CYRIA: variants seen among roughly 807,000 people sequenced by gnomAD.
CYRIA encodes the protein CYFIP related Rac1 interactor A.
CYRIA carries 15 observed loss-of-function variants against 43.9 expected under a neutral mutation model. The observed-to-expected ratio is 0.34, with a 90% CI of 0.23 to 0.53. The LOEUF is 0.53. Ranked by LOEUF, CYRIA falls within the 20% of genes least tolerant of loss-of-function variation. CYRIA has a pLI of 0.94. For synonymous variants in CYRIA, 117 were observed against 136.0 expected (o/e 0.86, Z 0.97); for missense variants, 236 against 394.2 (o/e 0.60, Z 3.40).
chr2:16,644,863 C>G (rs959929059), intron 1 of CYRIA, among the ~76,000 whole-genome samples: 1 of 152,134 alleles, frequency 6.6e-6, no homozygotes, highest in Admixed American at 6.5e-5. Context: ...GCCCCACCAA[C>G]CCCCCACACA....
At chr2:16,658,488 TA>T (rs1670171732) in intron 1 of CYRIA, among the ~76,000 whole-genome samples, 1 of 152,210 alleles carries the variant, frequency 6.6e-6, no homozygotes, top group Non-Finnish European at 1.5e-5. Context: ...TTAGCAAGCT[TA>T]AGGAATTTGC....
intron 4 of CYRIA, 91 bp from the exon 5 acceptor site, chr2:16,564,185 G>A (rs768416293): frequency 4.1e-6 from 4 of 973,322 alleles, no homozygotes; most frequent in Admixed American, 2.2e-5. Context: ...TACAATCCTT[G>A]CTATACTTTG....
chr2:16,631,764 T>C (rs544989395), intron 1 of CYRIA, among the ~76,000 whole-genome samples: 4 of 152,200 alleles, frequency 2.6e-5, no homozygotes, highest in Admixed American at 6.5e-5. Flanking sequence ...CTATCAGATG[T>C]AACGGTATGT....
chr2:16,619,534 C>G (rs1668926433), intron 2 of CYRIA, among the ~76,000 whole-genome samples: 1 of 152,170 alleles, frequency 6.6e-6, no homozygotes, highest in Non-Finnish European at 1.5e-5. Flanking sequence ...CACCAGAGAG[C>G]TATGGTGTAA....
At chr2:16,647,274 T>C (rs1558441383) in intron 1 of CYRIA, among the ~76,000 whole-genome samples, 1 of 152,194 alleles carries the variant, frequency 6.6e-6, no homozygotes, top group Non-Finnish European at 1.5e-5. Flanking sequence ...TCCTGTATCA[T>C]CTCAGTTGAC....
chr2:16,605,735 T>A (rs1231144648), intron 2 of CYRIA, among the ~76,000 whole-genome samples: 2 of 152,236 alleles, frequency 1.3e-5, no homozygotes, highest in Non-Finnish European at 2.9e-5. Context: ...GTGAATTCGC[T>A]TAAACAGGCT....
intron 1 of CYRIA, among the ~76,000 whole-genome samples, chr2:16,652,211 T>C (rs1024076541): frequency 2.0e-5 from 3 of 152,166 alleles, no homozygotes; most frequent in Non-Finnish European, 4.4e-5. Flanking sequence ...AGCTTCAGGA[T>C]GTCCTCTAGC....
intron 5 of CYRIA, 63 bp from the exon 6 acceptor site, chr2:16,562,204 C>T: frequency 6.5e-7 from 1 of 1,532,062 alleles, no homozygotes; most frequent in Non-Finnish European, 8.8e-7. Context: ...TCAAAGAACA[C>T]AATTCCCAGC....
chr2:16,561,620 T>C (rs1348812759), intron 6 of CYRIA, 87 bp from the exon 7 acceptor site: 3 of 1,014,828 alleles, frequency 3.0e-6, no homozygotes, highest in East Asian at 2.4e-5. Flanking sequence ...CTAGATTTTA[T>C]AAATACTCCA....
intron 2 of CYRIA, among the ~76,000 whole-genome samples, chr2:16,611,700 G>T (rs942979000): frequency 6.6e-6 from 1 of 152,054 alleles, no homozygotes; most frequent in Non-Finnish European, 1.5e-5. Flanking sequence ...ACGCCTGTGA[G>T]GTGTGAAGAA....
At chr2:16,593,699 T>G (rs1244449172) in intron 2 of CYRIA, among the ~76,000 whole-genome samples, 3 of 82,196 alleles carry the variant, frequency 3.6e-5, no homozygotes, top group African/African-American at 2.6e-4. Context: ...TGTGTGTGTG[T>G]TTTTTTTTGT....
At chr2:16,626,744 C>T (rs1380749594) in intron 1 of CYRIA, among the ~76,000 whole-genome samples, 3 of 152,136 alleles carry the variant, frequency 2.0e-5, no homozygotes, top group Non-Finnish European at 4.4e-5. Context: ...AGCACAACCT[C>T]ACATATCACC....
At chr2:16,635,579 C>T (rs1361974083) in intron 1 of CYRIA, among the ~76,000 whole-genome samples, 4 of 152,160 alleles carry the variant, frequency 2.6e-5, no homozygotes, top group Non-Finnish European at 4.4e-5. Flanking sequence ...TGTGCATCCC[C>T]CCACAGTGAC....
chr2:16,639,731 T>C (rs10490438), intron 1 of CYRIA, among the ~76,000 whole-genome samples: 19,052 of 152,280 alleles, frequency 0.13, 1,397 homozygotes, highest in Middle Eastern at 0.17. Flanking sequence ...ATTTAAACCA[T>C]TGGGCATTTG....
intron 1 of CYRIA, among the ~76,000 whole-genome samples, chr2:16,641,648 C>T (rs1253805410): frequency 6.6e-6 from 1 of 152,254 alleles, no homozygotes; most frequent in Non-Finnish European, 1.5e-5. Flanking sequence ...ACTTTGCATA[C>T]TCATTCCATC....
chr2:16,645,732 G>C (rs1669801345), intron 1 of CYRIA, among the ~76,000 whole-genome samples: 1 of 152,196 alleles, frequency 6.6e-6, no homozygotes, highest in South Asian at 2.1e-4. Context: ...ATACTTTCTG[G>C]AAGAAAAGAC....
Position 16,555,126 on chromosome 2 carries a change from A to G in CYRIA, c.851T>C (p.Ile284Thr). Residue 284 changes from isoleucine (I) to threonine (T), a missense_variant, in exon 11 of 12, where the codon ATA becomes ACA. Around this residue, in one of 3 missense-constraint regions of CYRIA, gnomAD observed 40 missense variants for 62.2 expected, o/e 0.64. Coordinates refer to ENST00000381323, the MANE Select transcript of CYRIA (RefSeq NM_030797.4). ...KTSKIDMKGC[I>T]KVLKEQAPDS... ...TGGGGCCTGCTCCTTCAAAACTTTTATGCAGCCTTTCATCTAGGAGGAGAA... is the reference window on the plus strand; with the variant it reads ...TGGGGCCTGCTCCTTCAAAACTTTTGTGCAGCCTTTCATCTAGGAGGAGAA... 1.2e-6 allele frequency: 2 copies of G among 1,612,872 alleles called. No individual in the cohort carries two copies. The highest frequency in any genetic ancestry group is 1.7e-6 in the Non-Finnish European group (2 of 1,179,566).
At chr2:16,604,341 T>C (rs1668304849) in intron 2 of CYRIA, among the ~76,000 whole-genome samples, 1 of 152,222 alleles carries the variant, frequency 6.6e-6, no homozygotes, top group South Asian at 2.1e-4. Context: ...CTGTTGTCAG[T>C]GACATCAAAG....
At chr2:16,664,670 C>T (rs1434884686) in intron 1 of CYRIA, among the ~76,000 whole-genome samples, 1 of 152,196 alleles carries the variant, frequency 6.6e-6, no homozygotes, top group African/African-American at 2.4e-5. Flanking sequence ...CCCAGATCAG[C>T]ATTCTGTGCC....
Sources: gnomAD v4.1 joint callset for allele counts (sites outside exome capture counted in the v4.1 genomes callset) on GRCh38, gnomAD v4.1.1 for gene constraint, gnomAD v4.1.1 regional missense constraint, MANE v1.5 for transcripts, NCBI Gene and HGNC (gene_info 2026-07-23, HGNC 2026-07-21) for gene names.